RBFOX1: variants seen among roughly 807,000 people sequenced by gnomAD.
RBFOX1 encodes RNA binding fox-1 homolog 1.
In RBFOX1, 8 loss-of-function variants were observed where a neutral mutation model predicts 57.7. The observed-to-expected ratio is 0.14, with a 90% CI of 0.08 to 0.25. The LOEUF (loss-of-function observed/expected upper bound fraction) is 0.25, where lower values mean the gene tolerates loss of function less well. RBFOX1 is among the 10% of genes least tolerant of loss of function. RBFOX1 has a pLI of 1.00. For missense variants in RBFOX1, 611 were observed against 548.5 expected (o/e 1.11, Z -1.14); for synonymous variants, 326 against 222.4 (o/e 1.47, Z -4.15).
chr16:5,634,749 T>A (rs2048628011), intron 3 of RBFOX1, among the ~76,000 whole-genome samples: 1 of 152,188 alleles, frequency 6.6e-6, no homozygotes. Flanking sequence ...CCATTTCTCT[T>A]TCATTTCTGG....
At chr16:6,910,853 T>C (rs1481633641) in intron 3 of RBFOX1, among the ~76,000 whole-genome samples, 1 of 152,160 alleles carries the variant, frequency 6.6e-6, no homozygotes, top group African/African-American at 2.4e-5. Context: ...GAAGAATGCC[T>C]CCATTTCATG....
At chr16:5,676,073 A>G (rs1373144576) in intron 3 of RBFOX1, among the ~76,000 whole-genome samples, 1 of 152,134 alleles carries the variant, frequency 6.6e-6, no homozygotes, top group Non-Finnish European at 1.5e-5. Flanking sequence ...GGAACGTCGC[A>G]CACCAGGGCC....
chr16:5,655,513 G>A (rs1345181080), intron 3 of RBFOX1, among the ~76,000 whole-genome samples: 1 of 152,202 alleles, frequency 6.6e-6, no homozygotes, highest in East Asian at 1.9e-4. Flanking sequence ...TAGGTTCAGC[G>A]ATGAATGGTG....
At chr16:5,405,853 G>C (rs1353669164) in intron 1 of RBFOX1, among the ~76,000 whole-genome samples, 1 of 152,156 alleles carries the variant, frequency 6.6e-6, no homozygotes, top group Non-Finnish European at 1.5e-5. Flanking sequence ...ATTTTTGAGT[G>C]TAGTTGTGTG....
intron 1 of RBFOX1, among the ~76,000 whole-genome samples, chr16:6,020,422 T>C (rs946037978): frequency 7.9e-5 from 12 of 152,008 alleles, no homozygotes; most frequent in Non-Finnish European, 1.8e-4. Flanking sequence ...GGAGGAGGCA[T>C]CTTAGTGACC....
exon 3 of RBFOX1, chr16:5,599,331 G>T: frequency 1.6e-6 from 1 of 615,932 alleles, no homozygotes; most frequent in East Asian, 2.7e-5. Flanking sequence ...GAATGTCATT[G>T]GGTTGTCTTC....
intron 3 of RBFOX1, among the ~76,000 whole-genome samples, chr16:7,004,870 C>T (rs905246933): frequency 3.3e-5 from 5 of 152,228 alleles, no homozygotes; most frequent in East Asian, 1.9e-4. Flanking sequence ...AGCAAAGAGG[C>T]CAGGTGAGGT....
intron 3 of RBFOX1, among the ~76,000 whole-genome samples, chr16:6,725,006 AGG>A (rs2066859078): frequency 6.7e-6 from 1 of 149,666 alleles, no homozygotes; most frequent in Non-Finnish European, 1.5e-5. Context: ...GGGGACAGCC[AGG>A]AGTCACTTTT....
At chr16:7,298,971 T>A (rs1037293458) in intron 4 of RBFOX1, among the ~76,000 whole-genome samples, 3 of 152,230 alleles carry the variant, frequency 2.0e-5, no homozygotes, top group Non-Finnish European at 4.4e-5. Context: ...CAACTGTATT[T>A]GCTTTTACAA....
intron 3 of RBFOX1, among the ~76,000 whole-genome samples, chr16:6,963,214 G>A (rs1053715563): frequency 4.6e-5 from 7 of 152,000 alleles, no homozygotes; most frequent in African/African-American, 1.5e-4. Context: ...ATAATTTTCT[G>A]TAAAGAGGTA....
chr16:6,923,988 G>C (rs2075037821), intron 3 of RBFOX1, among the ~76,000 whole-genome samples: 1 of 151,868 alleles, frequency 6.6e-6, no homozygotes, highest in South Asian at 2.1e-4. Context: ...TGGCCAACAT[G>C]GTGAAACCCT....
chr16:6,619,767 G>A (rs1220654908), intron 2 of RBFOX1, among the ~76,000 whole-genome samples: 1 of 144,826 alleles, frequency 6.9e-6, no homozygotes, highest in Non-Finnish European at 1.5e-5. Context: ...AGGTAAACCT[G>A]TGTCATGGGG....
intron 3 of RBFOX1, among the ~76,000 whole-genome samples, chr16:7,037,683 T>G (rs2044928509): frequency 6.6e-6 from 1 of 152,226 alleles, no homozygotes; most frequent in South Asian, 2.1e-4. Flanking sequence ...TCAAATCATG[T>G]GATGACCCTG....
At chr16:6,354,455 G>C (rs2086931052) in intron 2 of RBFOX1, among the ~76,000 whole-genome samples, 1 of 152,098 alleles carries the variant, frequency 6.6e-6, no homozygotes, top group Admixed American at 6.5e-5. Context: ...CGAAACCAGT[G>C]TTCCAAAACG....
chr16:6,277,069 C>G (rs1166667827), intron 1 of RBFOX1, among the ~76,000 whole-genome samples: 1 of 152,132 alleles, frequency 6.6e-6, no homozygotes, highest in Non-Finnish European at 1.5e-5. Context: ...ACTTTGTAAA[C>G]TAAAAACAAT....
intron 3 of RBFOX1, among the ~76,000 whole-genome samples, chr16:6,861,492 C>CA (rs201458135): frequency 6.6e-6 from 1 of 151,254 alleles, no homozygotes; most frequent in Non-Finnish European, 1.5e-5. Flanking sequence ...CCCCCTCCCC[C>CA]CCCGACTCAA....
At chr16:6,576,431 T>A (rs2153965266) in intron 2 of RBFOX1, among the ~76,000 whole-genome samples, 1 of 152,306 alleles carries the variant, frequency 6.6e-6, no homozygotes, top group East Asian at 1.9e-4. Flanking sequence ...GGGAATCAGA[T>A]TTTTTTCTTA....
At chr16:5,872,525 G>A (rs945835765) in intron 4 of RBFOX1, among the ~76,000 whole-genome samples, 2 of 152,086 alleles carry the variant, frequency 1.3e-5, no homozygotes, top group African/African-American at 4.8e-5. Flanking sequence ...GAGCCCAGGA[G>A]TTCGAGACCA....
intron 1 of RBFOX1, among the ~76,000 whole-genome samples, chr16:6,102,669 C>T (rs904864345): frequency 2.0e-5 from 3 of 152,066 alleles, no homozygotes; most frequent in East Asian, 3.9e-4. Context: ...TAATATTGTT[C>T]CCTTGTGAAT....
Sources: allele counts gnomAD v4.1 joint callset (sites outside exome capture counted in the v4.1 genomes callset), GRCh38; gene constraint gnomAD v4.1.1; transcripts MANE v1.5; gene names NCBI Gene and HGNC (gene_info 2026-07-23, HGNC 2026-07-21).